The following OR5A1 variants were observed in gnomAD, a reference collection of about 807,000 sequenced individuals.
OR5A1 encodes the protein olfactory receptor 5A1.
OR5A1 carries 6 observed loss-of-function variants against 6.7 expected under a neutral mutation model. That is an observed-to-expected ratio of 0.89 (90% CI 0.49 to 1.76). OR5A1 has a LOEUF of 1.76. Among genes scored for constraint, OR5A1 ranks in the 40% most tolerant of loss-of-function variants. The pLI is 0.01. For missense variants in OR5A1, 378 were observed against 381.7 expected (o/e 0.99, Z 0.08); for synonymous variants, 170 against 155.0 (o/e 1.10, Z -0.72).
rs1264238377 is a variant in OR5A1, at chr11:59,444,613, CA to C, written c.*498del. The C allele has an allele frequency of 6.5e-6, 1 of 153,468 alleles. No homozygotes were observed. The highest frequency in any genetic ancestry group is 1.5e-5 in the Non-Finnish European group (1 of 68,606). The allele number at this position is 153,468 out of a possible 1,614,324, so 9.5% of individuals were successfully genotyped here. ...CGTTCTGCCCAAACGCTGCACTCCA[CA>C]TTCAACAAAAAAATAGCCCAAAAGT... On this transcript the variant is annotated 3_prime_UTR_variant, in exon 2 of 2. Transcript: ENST00000641045.
chr11:59,446,908 A>G lies in OR5A1; in HGVS notation c.*2792A>G, dbSNP rs1858556265. The G allele has an allele frequency of 6.6e-6, 1 of 152,262 alleles. No individual in the cohort carries two copies. Among genetic ancestry groups the G allele is most frequent in the Non-Finnish European group, 1.5e-5 (1 of 68,048 alleles). 9.4% of individuals were successfully genotyped at this position (152,262 alleles called of 1,614,324 possible). On this transcript the variant is annotated 3_prime_UTR_variant, in exon 2 of 2. Transcript: ENST00000641045. Reference sequence around the variant, plus strand: ...ATCTGGAAGAACATAAACAATGCATAGGAAAGCAGAGATCCCTTCTCAGGT... The same window carrying G: ...ATCTGGAAGAACATAAACAATGCATGGGAAAGCAGAGATCCCTTCTCAGGT...
chr11:59,443,908 A>G lies in OR5A1; in HGVS notation c.740A>G (p.His247Arg). 2.5e-6 allele frequency: 4 copies of G among 1,614,064 alleles called. No individual in the cohort carries two copies. Among genetic ancestry groups the G allele is most frequent in the Non-Finnish European group, 3.4e-6 (4 of 1,179,992 alleles). The change falls in exon 2 of 2, where the codon CAT becomes CGT. Residue 247 changes from histidine (H) to arginine (R), a missense_variant. His to Arg is a conservative substitution (Grantham distance 29). Transcript: ENST00000641045. ...AAAGCCTGCAACACGTGTGCCTCGC[A>G]TCTGATGGTGGTGACTCTGCTGTTT... ...RWKACNTCAS[H>R]LMVVTLLFGT...
In OR5A1 at chr11:59,443,351, C is replaced by G. The variant is rs748560788; in HGVS notation, c.183C>G (p.Pro61=). The G allele has an allele frequency of 2.5e-6, 4 of 1,613,888 alleles. No individual in the cohort carries two copies. Among genetic ancestry groups the G allele is most frequent in the Non-Finnish European group, 3.4e-6 (4 of 1,180,028 alleles). The change falls in exon 2 of 2, where the codon CCC becomes CCG. Residue 61 remains proline, a synonymous_variant. Transcript: ENST00000641045. ...GAGGTGACACCCATCTGCACACACC[C>G]ATGTACTTCTTCCTAAGCAACTTAT... ...LIRGDTHLHT[P]MYFFLSNLSF...
In OR5A1 at chr11:59,444,342, A is replaced by T; in HGVS notation, c.*226A>T. On this transcript the variant is annotated 3_prime_UTR_variant, in exon 2 of 2. Coordinates refer to ENST00000641045, the MANE Select transcript of OR5A1 (RefSeq NM_001004728.2). ...CAGAAAAAAAAAAAAAAAAAAAAGA[A>T]CCTCCCCAGGATAACCTATTTTCAC... 1 of 336,808 alleles carries T rather than the reference A, an allele frequency of 3.0e-6. No homozygotes were observed. The highest frequency in any genetic ancestry group is 5.5e-6 in the Non-Finnish European group (1 of 182,904). 20.9% of individuals were successfully genotyped at this position (336,808 alleles called of 1,614,324 possible).
chr11:59,442,673 T>A (rs534550450), intron 1 of OR5A1, among the ~76,000 whole-genome samples: 1 of 152,324 alleles, frequency 6.6e-6, no homozygotes, highest in East Asian at 1.9e-4. Flanking sequence ...CTTTCCTTCC[T>A]AATATTGAAA....
rs1858564108 is a variant in OR5A1 at position 59,447,487 on chromosome 11, G to C, written c.*3371G>C. 1 of 152,090 alleles carries C rather than the reference G, an allele frequency of 6.6e-6. No homozygotes were observed. Among genetic ancestry groups the C allele is most frequent in the South Asian group, 2.1e-4 (1 of 4,816 alleles). 9.4% of individuals were successfully genotyped at this position (152,090 alleles called of 1,614,324 possible). A position where few individuals can be genotyped will look rare whatever the true frequency, so the allele number is the denominator to read the frequency against. On this transcript the variant is annotated 3_prime_UTR_variant, in exon 2 of 2. Coordinates refer to ENST00000641045, the MANE Select transcript of OR5A1 (RefSeq NM_001004728.2). ...AGTTGACACTATATCTGTATATTAA[G>C]GGATACTTGCTTTACAGAAATATCA...
intron 1 of OR5A1, among the ~76,000 whole-genome samples, chr11:59,441,355 T>A (rs1419777797): frequency 6.6e-6 from 1 of 152,250 alleles, no homozygotes; most frequent in Non-Finnish European, 1.5e-5. Flanking sequence ...TCCTTTTTTT[T>A]ATTAATCAGG....
chr11:59,437,158 A>G (rs1858425604), intron 1 of OR5A1, among the ~76,000 whole-genome samples: 1 of 152,182 alleles, frequency 6.6e-6, no homozygotes. Context: ...GTTACAATCA[A>G]TGAACCTACA....
At chr11:59,442,429 C>T (rs1018541572) in intron 1 of OR5A1, among the ~76,000 whole-genome samples, 1 of 151,178 alleles carries the variant, frequency 6.6e-6, no homozygotes, top group African/African-American at 2.4e-5. Context: ...GCAACAAGAG[C>T]GAAACTCCAT....
In OR5A1 at chr11:59,445,663, C is replaced by G. The variant is rs1806300047; in HGVS notation, c.*1547C>G. ...TGTTCCTATTTCTCCACAGCCTCGC[C>G]AGCATCTGTTGTTTCTTGACTTTTT... On this transcript the variant is annotated 3_prime_UTR_variant, in exon 2 of 2. Transcript: ENST00000641045. 1 of 152,138 alleles carries G rather than the reference C, an allele frequency of 6.6e-6. No individual in the cohort carries two copies. The highest frequency in any genetic ancestry group is 1.5e-5 in the Non-Finnish European group (1 of 68,018). The allele number at this position is 152,138 out of a possible 1,614,324, so 9.4% of individuals were successfully genotyped here. A position where few individuals can be genotyped will look rare whatever the true frequency, so the allele number is the denominator to read the frequency against.
intron 1 of OR5A1, among the ~76,000 whole-genome samples, 188 bp from the exon 2 acceptor site, chr11:59,442,948 C>T (rs921215514): frequency 2.0e-5 from 3 of 152,176 alleles, no homozygotes; most frequent in African/African-American, 7.2e-5. Context: ...CTACACTATA[C>T]TACCTAAATA....
At chr11:59,438,034 C>T (rs1234772691) in intron 1 of OR5A1, among the ~76,000 whole-genome samples, 1 of 151,738 alleles carries the variant, frequency 6.6e-6, no homozygotes, top group South Asian at 2.1e-4. Flanking sequence ...CTTTCTGTTG[C>T]TCTCTCTCTC....
chr11:59,443,613 G>C lies in OR5A1; in HGVS notation c.445G>C (p.Val149Leu), dbSNP rs1382191648. The C allele has an allele frequency of 6.2e-7, 1 of 1,614,062 alleles. No individual in the cohort carries two copies. The highest frequency in any genetic ancestry group is 1.3e-5 in the African/African-American group (1 of 74,986). The part of the protein sequence containing the change: ...MTQGLCTRMV[V>L]GAYVGGFLSS... Reference sequence around the variant, plus strand: ...CCAGGGCCTCTGTACACGCATGGTGGTTGGGGCATATGTTGGTGGCTTCCT... The same window carrying C: ...CCAGGGCCTCTGTACACGCATGGTGCTTGGGGCATATGTTGGTGGCTTCCT... Residue 149 changes from valine to leucine, a missense_variant, in exon 2 of 2, where the codon GTT becomes CTT. Val to Leu is a conservative substitution (Grantham distance 32, BLOSUM62 1). Coordinates refer to ENST00000641045, the MANE Select transcript of OR5A1 (RefSeq NM_001004728.2).
rs1858563634 is a variant in OR5A1 at position 59,447,454 on chromosome 11, G to T, written c.*3338G>T. 2 of 152,144 alleles carry T rather than the reference G, an allele frequency of 1.3e-5. No homozygotes were observed. The highest frequency in any genetic ancestry group is 2.9e-5 in the Non-Finnish European group (2 of 68,034). 9.4% of individuals were successfully genotyped at this position (152,144 alleles called of 1,614,324 possible). A position where few individuals can be genotyped will look rare whatever the true frequency, so the allele number is the denominator to read the frequency against. ...AACAATTAGGCCAGTAAAATTTTAG[G>T]AATGAAAAGTTGACACTATATCTGT... On this transcript the variant is annotated 3_prime_UTR_variant, in exon 2 of 2. Transcript: ENST00000641045.
chr11:59,437,732 A>G (rs546193997), intron 1 of OR5A1, among the ~76,000 whole-genome samples: 2 of 152,336 alleles, frequency 1.3e-5, no homozygotes, highest in East Asian at 3.9e-4. Flanking sequence ...GGATTTACAT[A>G]CAAGTTTGTT....
rs150886922 is a variant in OR5A1, at chr11:59,443,492, C to A, written c.324C>A (p.Val108=). ...GTGCTGCTCAGTTTTTTTTCTTTGT[C>A]GGCATGGGTCTGTCTGAGTGCCTCC... The part of the protein sequence containing the change: ...VGCAAQFFFF[V]GMGLSECLLL... Residue 108 remains valine, a synonymous_variant, in exon 2 of 2, where the codon GTC becomes GTA. Coordinates refer to ENST00000641045, the MANE Select transcript of OR5A1 (RefSeq NM_001004728.2). 8.7e-5 allele frequency: 141 copies of A among 1,613,802 alleles called. No homozygotes were observed. The highest frequency in any genetic ancestry group is 1.6e-4 in the Middle Eastern group (1 of 6,084).
Position 59,443,467 on chromosome 11 carries a change from G to C in OR5A1, c.299G>C (p.Cys100Ser), listed in dbSNP as rs778971152. The change falls in exon 2 of 2, where the codon TGT becomes TCT. Residue 100 changes from cysteine (C) to serine (S), a missense_variant. Transcript: ENST00000641045. ...WEQKTISFVG[C>S]AAQFFFFVGM... is the part of the protein sequence containing the mutation. ...CAGAAGACCATATCATTTGTGGGCT[G>C]TGCTGCTCAGTTTTTTTTCTTTGTC... is the stretch of plus-strand genomic sequence containing the variant. 4 of 1,613,978 alleles carry C rather than the reference G, an allele frequency of 2.5e-6. No homozygotes were observed. Among genetic ancestry groups the C allele is most frequent in the African/African-American group, 2.7e-5 (2 of 75,010 alleles).
chr11:59,444,170 C>G lies in OR5A1; in HGVS notation c.*54C>G. 1 of 1,199,252 alleles carries G rather than the reference C, an allele frequency of 8.3e-7. No homozygotes were observed. The highest frequency in any genetic ancestry group is 1.2e-6 in the Non-Finnish European group (1 of 830,316). 74.3% of individuals were successfully genotyped at this position (1,199,252 alleles called of 1,614,324 possible). On this transcript the variant is annotated 3_prime_UTR_variant, in exon 2 of 2. Coordinates refer to ENST00000641045, the MANE Select transcript of OR5A1 (RefSeq NM_001004728.2). ...CTGCTGGAGAATTAAACAATCCAAG[C>G]CTTCACCTCCACCTCTGCCTCAGGC...
At position 59,445,674 on chromosome 11, in the gene OR5A1, GT is replaced by G. The variant is rs1858539306; in HGVS notation, c.*1561del. On this transcript the variant is annotated 3_prime_UTR_variant, in exon 2 of 2. Transcript: ENST00000641045. ...CTCCACAGCCTCGCCAGCATCTGTT[GT>G]TTCTTGACTTTTTAATAATTGCCAT... 6.6e-6 allele frequency: 1 copy of G among 152,006 alleles called. No homozygotes were observed. Among genetic ancestry groups the G allele is most frequent in the Non-Finnish European group, 1.5e-5 (1 of 67,998 alleles). 9.4% of individuals were successfully genotyped at this position (152,006 alleles called of 1,614,324 possible).
Sources: allele counts gnomAD v4.1 joint callset (sites outside exome capture counted in the v4.1 genomes callset), GRCh38; gene constraint gnomAD v4.1.1; transcripts MANE v1.5; gene names NCBI Gene and HGNC (gene_info 2026-07-23, HGNC 2026-07-21).